Variants in AUH observed in about 807,000 individuals in gnomAD.
The protein encoded by AUH is AU RNA binding methylglutaconyl-CoA hydratase, also known as methylglutaconyl-CoA hydratase, mitochondrial.
AUH carries 29 observed loss-of-function variants against 42.3 expected under a neutral mutation model. The ratio of observed to expected loss-of-function variants is 0.69; its 90% CI spans 0.51 to 0.93. AUH has a LOEUF of 0.93. Ranked by LOEUF, AUH falls within the 40% of genes least tolerant of loss-of-function variation. The probability of loss-of-function intolerance (pLI) is 0.00; values close to 1 mark genes in which losing one functional copy is unlikely to be tolerated. For synonymous variants in AUH, 174 were observed against 166.4 expected, an observed-to-expected ratio of 1.05 and a Z score of -0.35; for missense variants, 452 against 438.1, an observed-to-expected ratio of 1.03 and a Z score of -0.28.
At chr9:91,225,798 C>T (rs910297933) in intron 6 of AUH, among the ~76,000 whole-genome samples, 9 of 150,534 alleles carry the variant, frequency 6.0e-5, no homozygotes, top group South Asian at 2.1e-4. Context: ...TGAGAATATG[C>T]GGTGTTTGGT....
At chr9:91,257,098 T>A (rs146025140) in intron 6 of AUH, among the ~76,000 whole-genome samples, 1 of 152,248 alleles carries the variant, frequency 6.6e-6, no homozygotes, top group African/African-American at 2.4e-5. Context: ...GGGCAGAAAC[T>A]TTGCCATAAG....
At chr9:91,356,942 C>A (rs1832454464) in intron 1 of AUH, among the ~76,000 whole-genome samples, 1 of 152,186 alleles carries the variant, frequency 6.6e-6, no homozygotes, top group African/African-American at 2.4e-5. Flanking sequence ...ATACCTTCCA[C>A]TGAGTCAGGG....
chr9:91,348,910 A>AT (rs1052142861), intron 3 of AUH, among the ~76,000 whole-genome samples: 1 of 152,206 alleles, frequency 6.6e-6, no homozygotes, highest in African/African-American at 2.4e-5. Flanking sequence ...TAAATAAAAC[A>AT]TTTTTTATTC....
intron 3 of AUH, among the ~76,000 whole-genome samples, chr9:91,346,870 A>C (rs1043611032): frequency 1.3e-5 from 2 of 152,110 alleles, no homozygotes; most frequent in Admixed American, 6.5e-5. Context: ...TAAAAAAAAA[A>C]AAAAAACACT....
At chr9:91,314,629 T>C (rs1829004573) in intron 4 of AUH, among the ~76,000 whole-genome samples, 1 of 151,838 alleles carries the variant, frequency 6.6e-6, no homozygotes, top group Non-Finnish European at 1.5e-5. Context: ...CTGACCTTCT[T>C]TTGGCCAAGG....
chr9:91,346,233 T>G (rs1219436964), intron 3 of AUH, among the ~76,000 whole-genome samples: 1 of 152,092 alleles, frequency 6.6e-6, no homozygotes, highest in South Asian at 2.1e-4. Flanking sequence ...GTTAGAACTT[T>G]CAGTGCCCTA....
intron 4 of AUH, among the ~76,000 whole-genome samples, chr9:91,316,002 A>G (rs1829129536): frequency 6.6e-6 from 1 of 152,254 alleles, no homozygotes; most frequent in Non-Finnish European, 1.5e-5. Context: ...CCATATTGGT[A>G]CATGTGTGTA....
In AUH at chr9:91,345,230, A is replaced by G. The variant is rs141893106; in HGVS notation, c.418+10653T>C. Among the ~76,000 whole-genome samples the G allele has an allele frequency of 2.1e-3, 315 of 152,322 alleles. 1 individual carries two copies. The highest frequency in any genetic ancestry group is 7.3e-3 in the African/African-American group (302 of 41,586). On this transcript the variant is annotated intron_variant, in intron 3 of 9. Transcript: ENST00000375731. ...ATATAAAAAAAAATAAAAGGTGAAC[A>G]GATAGGAAAGGAAGAAGTAAAACTA...
intron 6 of AUH, among the ~76,000 whole-genome samples, chr9:91,281,183 T>C: frequency 6.6e-6 from 1 of 152,196 alleles, no homozygotes; most frequent in East Asian, 1.9e-4. Flanking sequence ...CACAGGTTCC[T>C]ACGGTTCAGT....
At chr9:91,236,369 A>G (rs1435984177) in intron 6 of AUH, among the ~76,000 whole-genome samples, 1 of 152,174 alleles carries the variant, frequency 6.6e-6, no homozygotes, top group African/African-American at 2.4e-5. Context: ...ACATAACACT[A>G]CGTAAATCCT....
At chr9:91,295,925 G>A (rs7849844) in intron 6 of AUH, 96 bp downstream of exon 6, 24,362 of 1,374,570 alleles carry the variant, frequency 0.018, 502 homozygotes, top group East Asian at 0.1. Context: ...GTCTCTTTAC[G>A]CAAAATGTTG....
chr9:91,252,474 C>A (rs954660715), intron 6 of AUH, among the ~76,000 whole-genome samples: 4 of 152,080 alleles, frequency 2.6e-5, no homozygotes, highest in Admixed American at 1.3e-4. Flanking sequence ...GAGGTGGTGC[C>A]ATCACCCTCA....
intron 6 of AUH, among the ~76,000 whole-genome samples, chr9:91,285,044 A>G (rs1445060328): frequency 5.3e-5 from 8 of 152,218 alleles, no homozygotes; most frequent in African/African-American, 1.9e-4. Context: ...ACAATAGCAA[A>G]GACTTGGAAC....
chr9:91,222,855 C>T, intron 6 of AUH, among the ~76,000 whole-genome samples: 1 of 152,160 alleles, frequency 6.6e-6, no homozygotes. Flanking sequence ...AGACTGGTCA[C>T]AATTAACAAA....
rs1412531342 is a variant in AUH at position 91,214,199 on chromosome 9, G to C, written c.*149C>G. 1 of 704,796 alleles carries C rather than the reference G, an allele frequency of 1.4e-6. No homozygotes were observed. The allele number at this position is 704,796 out of a possible 1,614,324, so 43.7% of individuals were successfully genotyped here. ...ACATTTGAATGAAGTACACGGATGG[G>C]TCCATTCCAGATGCTTATTACACCG... On this transcript the variant is annotated 3_prime_UTR_variant, in exon 10 of 10. Coordinates refer to ENST00000375731, the MANE Select transcript of AUH (RefSeq NM_001698.3).
At chr9:91,352,717 G>A (rs1587922965) in intron 3 of AUH, among the ~76,000 whole-genome samples, 1 of 152,194 alleles carries the variant, frequency 6.6e-6, no homozygotes, top group East Asian at 1.9e-4. Context: ...TAGGAGAGTG[G>A]TATGAGACAA....
chr9:91,305,674 G>A (rs1309568385), intron 4 of AUH, among the ~76,000 whole-genome samples: 1 of 152,002 alleles, frequency 6.6e-6, no homozygotes, highest in African/African-American at 2.4e-5. Flanking sequence ...TTTTTACTAT[G>A]TGTGGCCACT....
In AUH at chr9:91,361,742, A is replaced by T. The variant is rs762569154; in HGVS notation, c.148T>A (p.Trp50Arg). ...LAGRRAGPAIWAQGWVPAAGG... is the reference protein window; with the variant it reads ...LAGRRAGPAIRAQGWVPAAGG... ...GCCGCAGGTACCCAGCCCTGGGCCC[A>T]GATCGCCGGGCCCGCTCGCCGGCCT... is the stretch of plus-strand genomic sequence containing the variant. Residue 50 changes from tryptophan (W) to arginine (R), a missense_variant, in exon 1 of 10, where the codon TGG becomes AGG. Transcript: ENST00000375731. 58 of 1,546,252 alleles carry T rather than the reference A, an allele frequency of 3.8e-5. No individual in the cohort carries two copies. Among genetic ancestry groups the T allele is most frequent in the Non-Finnish European group, 5.0e-5 (57 of 1,145,768 alleles).
chr9:91,229,430 T>C (rs1013428722), intron 6 of AUH, among the ~76,000 whole-genome samples: 14 of 149,672 alleles, frequency 9.4e-5, no homozygotes, highest in African/African-American at 3.2e-4. Context: ...CATCCTTTTA[T>C]TTTGAGCCTA....
Sources: allele counts gnomAD v4.1 joint callset (sites outside exome capture counted in the v4.1 genomes callset), GRCh38; gene constraint gnomAD v4.1.1; transcripts MANE v1.5; gene names NCBI Gene and HGNC (gene_info 2026-07-23, HGNC 2026-07-21).